Variants in BMPER observed in about 807,000 individuals in gnomAD.
BMPER encodes the protein BMP binding endothelial regulator.
In BMPER, 45 loss-of-function variants were observed where a neutral mutation model predicts 87.3. That is an observed-to-expected ratio of 0.52 (90% CI 0.41 to 0.66). BMPER has a LOEUF of 0.66. BMPER is among the 30% of genes least tolerant of loss of function. The pLI is 0.00. For missense variants in BMPER, 784 were observed against 867.5 expected (o/e 0.90, Z 1.21); for synonymous variants, 326 against 316.2 (o/e 1.03, Z -0.33).
chr7:34,031,908 A>G (rs1474066814), intron 6 of BMPER, among the ~76,000 whole-genome samples: 4 of 125,276 alleles, frequency 3.2e-5, no homozygotes, highest in Non-Finnish European at 5.0e-5. Context: ...ATATATATAT[A>G]TATATATATA....
At position 34,153,400 on chromosome 7, in the gene BMPER, A is replaced by ATG; in HGVS notation, c.*128_*129insGT. Reference sequence around the variant, plus strand: ...ACACACACACAGAGTATATATGTGTATATATATATAGATATATTCAAAAAC... The same window carrying ATG: ...ACACACACACAGAGTATATATGTGTATGTATATATATAGATATATTCAAAAAC... On this transcript the variant is annotated 3_prime_UTR_variant, in exon 15 of 15. Transcript: ENST00000649409. 1.2e-6 allele frequency: 1 copy of ATG among 809,220 alleles called. No homozygotes were observed. Among genetic ancestry groups the ATG allele is most frequent in the Non-Finnish European group, 2.0e-6 (1 of 498,666 alleles). 50.1% of individuals were successfully genotyped at this position (809,220 alleles called of 1,614,324 possible).
intron 14 of BMPER, among the ~76,000 whole-genome samples, chr7:34,150,733 C>T (rs2127996753): frequency 6.6e-6 from 1 of 152,224 alleles, no homozygotes; most frequent in East Asian, 1.9e-4. Context: ...CCCATGTATC[C>T]ATCCACTCAA....
At chr7:34,085,034 C>T (rs1030966042) in intron 12 of BMPER, among the ~76,000 whole-genome samples, 1 of 152,292 alleles carries the variant, frequency 6.6e-6, no homozygotes, top group Non-Finnish European at 1.5e-5. Flanking sequence ...CCTCCACCAC[C>T]GCCTGAAATG....
chr7:34,060,519 G>A (rs1788409645), intron 10 of BMPER, among the ~76,000 whole-genome samples: 1 of 152,238 alleles, frequency 6.6e-6, no homozygotes, highest in Non-Finnish European at 1.5e-5. Flanking sequence ...CTGGGGCTGA[G>A]TTTTAAGTCT....
intron 2 of BMPER, among the ~76,000 whole-genome samples, chr7:33,936,776 C>A (rs947268689): frequency 3.5e-4 from 53 of 152,212 alleles, no homozygotes; most frequent in African/African-American, 1.2e-3. Flanking sequence ...ATTATTTTTT[C>A]TTTTACCAAG....
intron 10 of BMPER, among the ~76,000 whole-genome samples, chr7:34,058,859 A>T (rs1017899219): frequency 1.3e-5 from 2 of 152,294 alleles, no homozygotes; most frequent in East Asian, 3.9e-4. Flanking sequence ...AAATATATCC[A>T]TATATTCAGG....
At chr7:34,052,368 C>T (rs919022037) in intron 8 of BMPER, among the ~76,000 whole-genome samples, 8 of 152,178 alleles carry the variant, frequency 5.3e-5, no homozygotes, top group Admixed American at 6.5e-5. Flanking sequence ...CAGTTCATCA[C>T]AAAGATAAAC....
chr7:34,091,949 T>TG (rs761226279), intron 13 of BMPER, among the ~76,000 whole-genome samples: 1 of 152,196 alleles, frequency 6.6e-6, no homozygotes, highest in Non-Finnish European at 1.5e-5. Context: ...TTAAGTTCTC[T>TG]GGGGAATGGG....
intron 6 of BMPER, among the ~76,000 whole-genome samples, chr7:34,012,844 C>T (rs1786918326): frequency 6.6e-6 from 1 of 151,902 alleles, no homozygotes; most frequent in Non-Finnish European, 1.5e-5. Flanking sequence ...AATAATTAAA[C>T]AGTTGTCTTC....
chr7:33,959,820 C>T (rs898439765), intron 3 of BMPER, among the ~76,000 whole-genome samples: 7 of 152,184 alleles, frequency 4.6e-5, no homozygotes, highest in African/African-American at 1.4e-4. Flanking sequence ...TAAAGTTATG[C>T]GACTGAGCCA....
At position 33,905,660 on chromosome 7, in the gene BMPER, G is replaced by A. The variant is rs866309179; in HGVS notation, c.47G>A (p.Arg16His). The change falls in exon 1 of 15, where the codon CGC becomes CAC. Residue 16 changes from arginine (R) to histidine (H), a missense_variant. Coordinates refer to ENST00000649409, the MANE Select transcript of BMPER (RefSeq NM_001365308.1). Reference protein sequence around the residue: ...GVGALAERYCRRSPGITCCVL... With the variant: ...GVGALAERYCHRSPGITCCVL... ...GGGGCTCTGGCTGAGCGTTACTGCCGCCGCTCGCCTGGGATTACGTGCTGC... is the reference window on the plus strand; with the variant it reads ...GGGGCTCTGGCTGAGCGTTACTGCCACCGCTCGCCTGGGATTACGTGCTGC... 1.2e-6 allele frequency: 2 copies of A among 1,613,286 alleles called. No individual in the cohort carries two copies. The highest frequency in any genetic ancestry group is 2.2e-5 in the East Asian group (1 of 44,850).
chr7:34,129,791 C>A (rs1790533122), intron 13 of BMPER, among the ~76,000 whole-genome samples: 1 of 152,124 alleles, frequency 6.6e-6, no homozygotes, highest in African/African-American at 2.4e-5. Context: ...TAGTGGCTTT[C>A]ATCTTGTCCC....
At chr7:34,137,227 G>A (rs991828043) in intron 13 of BMPER, among the ~76,000 whole-genome samples, 1 of 152,202 alleles carries the variant, frequency 6.6e-6, no homozygotes. Context: ...CAGGAGAGGA[G>A]TGCAATAAGT....
At chr7:34,137,738 G>A (rs1562767175) in intron 13 of BMPER, among the ~76,000 whole-genome samples, 1 of 152,236 alleles carries the variant, frequency 6.6e-6, no homozygotes, top group African/African-American at 2.4e-5. Context: ...TAGCCAGGTG[G>A]ATGGAAGTCC....
In BMPER at chr7:33,920,329, C is replaced by G. The variant is rs1585636207; in HGVS notation, c.219+13426C>G. On this transcript the variant is annotated intron_variant, in intron 2 of 14. Coordinates refer to ENST00000649409, the MANE Select transcript of BMPER (RefSeq NM_001365308.1). Reference sequence around the variant, plus strand: ...TGTGTGTAAGAACCACCAGGGAAGGCTAAAAAATGCAGATTTCCTGTGTCC... The same window carrying G: ...TGTGTGTAAGAACCACCAGGGAAGGGTAAAAAATGCAGATTTCCTGTGTCC... Among the ~76,000 whole-genome samples, 3 of 150,604 alleles carry G rather than the reference C, an allele frequency of 2.0e-5. No homozygotes were observed. In the South Asian group the frequency reaches 6.3e-4, roughly 32 times the overall value.
chr7:34,109,002 A>G (rs577414754), intron 13 of BMPER, among the ~76,000 whole-genome samples: 2 of 152,332 alleles, frequency 1.3e-5, no homozygotes, highest in Admixed American at 6.5e-5. Flanking sequence ...ATATGTGTAT[A>G]TGTGTATAAA....
At position 34,098,124 on chromosome 7, in the gene BMPER, T is replaced by G. The variant is rs140381058; in HGVS notation, c.1745+12032T>G. Among the ~76,000 whole-genome samples, 728 of 152,264 alleles carry G rather than the reference T, an allele frequency of 4.8e-3. 4 individuals carry two copies. The highest frequency in any genetic ancestry group is 7.9e-3 in the Non-Finnish European group (540 of 68,014). ...CCAGAATTAGAATCCAGAGTCAAAG[T>G]TCTCCTGGTCGCTGAGATGCTTTCC... is the stretch of plus-strand genomic sequence containing the variant. On this transcript the variant is annotated intron_variant, in intron 13 of 14. Coordinates refer to ENST00000649409, the MANE Select transcript of BMPER (RefSeq NM_001365308.1).
At chr7:33,908,040 A>G (rs1276980172) in intron 2 of BMPER, among the ~76,000 whole-genome samples, 1 of 152,188 alleles carries the variant, frequency 6.6e-6, no homozygotes, top group Non-Finnish European at 1.5e-5. Flanking sequence ...GACACAATAA[A>G]TATTGCTGCC....
chr7:34,153,058 C>G (rs372653605), intron 14 of BMPER, 34 bp from the exon 15 acceptor site: 79 of 1,613,020 alleles, frequency 4.9e-5, no homozygotes, highest in African/African-American at 1.5e-4. Context: ...GGGCCTTTCT[C>G]CATGTTATGC....
Sources: allele counts gnomAD v4.1 joint callset (sites outside exome capture counted in the v4.1 genomes callset), GRCh38; gene constraint gnomAD v4.1.1; transcripts MANE v1.5; gene names NCBI Gene and HGNC (gene_info 2026-07-23, HGNC 2026-07-21).